The following RBFOX1 variants were observed in gnomAD, a reference collection of about 807,000 sequenced individuals.
RBFOX1 encodes RNA binding fox-1 homolog 1.
RBFOX1 carries 8 observed loss-of-function variants against 57.7 expected under a neutral mutation model. That is an observed-to-expected ratio of 0.14 (90% CI 0.08 to 0.25). RBFOX1 has a LOEUF of 0.25. Among genes scored for constraint, RBFOX1 ranks in the 10% least tolerant of loss-of-function variants. The pLI, the probability that RBFOX1 is intolerant of heterozygous loss-of-function variation, is 1.00. For synonymous variants in RBFOX1, 326 were observed against 222.4 expected, an observed-to-expected ratio of 1.47 and a Z score of -4.15; for missense variants, 611 against 548.5, an observed-to-expected ratio of 1.11 and a Z score of -1.14.
intron 1 of RBFOX1, among the ~76,000 whole-genome samples, chr16:6,096,754 A>G (rs533935855): frequency 2.0e-5 from 3 of 152,324 alleles, no homozygotes; most frequent in South Asian, 4.1e-4. Flanking sequence ...GAGCTATAAA[A>G]ATACTAAAAT....
intron 3 of RBFOX1, among the ~76,000 whole-genome samples, chr16:6,992,594 T>C (rs2091668438): frequency 6.6e-6 from 1 of 152,070 alleles, no homozygotes; most frequent in Admixed American, 6.5e-5. Context: ...CTCTGTGGTG[T>C]AAAATGCACA....
chr16:6,972,700 T>C (rs970294300), intron 3 of RBFOX1, among the ~76,000 whole-genome samples: 1 of 152,026 alleles, frequency 6.6e-6, no homozygotes, highest in African/African-American at 2.4e-5. Context: ...TTGATAGAGA[T>C]GGAGGCAGAG....
At chr16:7,173,009 G>C (rs746293234) in intron 4 of RBFOX1, among the ~76,000 whole-genome samples, 4 of 152,096 alleles carry the variant, frequency 2.6e-5, no homozygotes, top group Admixed American at 1.3e-4. Flanking sequence ...AAACTACCAC[G>C]TGTGTATTTT....
At chr16:6,947,825 G>T (rs1021487650) in intron 3 of RBFOX1, among the ~76,000 whole-genome samples, 1 of 152,146 alleles carries the variant, frequency 6.6e-6, no homozygotes, top group African/African-American at 2.4e-5. Flanking sequence ...CGCTCAAGCT[G>T]CAGTGCAGTC....
Position 6,359,736 on chromosome 16 carries a change from A to G in RBFOX1, c.-64+42679A>G, listed in dbSNP as rs182154712. The stretch of plus-strand genomic sequence containing the variant: ...TCTTCCACGAAGGGATCAGGCGTGT[A>G]TATAAGCCAGCCTTATACTTATACT... On this transcript the variant is annotated intron_variant, in intron 2 of 15. Transcript: ENST00000550418. Among the ~76,000 whole-genome samples the G allele has an allele frequency of 5.1e-3, 773 of 152,314 alleles. 6 individuals are homozygous for G. Among genetic ancestry groups the G allele is most frequent in the Middle Eastern group, 0.034 (10 of 294 alleles).
chr16:7,334,163 C>T (rs557230003), intron 4 of RBFOX1, among the ~76,000 whole-genome samples: 5 of 152,214 alleles, frequency 3.3e-5, no homozygotes, highest in East Asian at 1.9e-4. Context: ...GTTAAGTGTA[C>T]GAACCTGGGT....
At chr16:5,328,748 C>A (rs538146712) in intron 1 of RBFOX1, among the ~76,000 whole-genome samples, 1 of 152,172 alleles carries the variant, frequency 6.6e-6, no homozygotes, top group African/African-American at 2.4e-5. Flanking sequence ...GCTGATTGGC[C>A]CAAAAGTGGC....
intron 4 of RBFOX1, among the ~76,000 whole-genome samples, chr16:7,076,300 G>A (rs1567169863): frequency 6.6e-6 from 1 of 151,902 alleles, no homozygotes; most frequent in Non-Finnish European, 1.5e-5. Flanking sequence ...TCAAAGTGCT[G>A]GGATTTCAGG....
chr16:7,050,664 A>G (rs1309791383), intron 3 of RBFOX1, among the ~76,000 whole-genome samples: 1 of 152,128 alleles, frequency 6.6e-6, no homozygotes, highest in East Asian at 1.9e-4. Flanking sequence ...TTAACAACTA[A>G]ATGGTGTCTT....
chr16:5,607,514 A>T (rs1351845404), intron 3 of RBFOX1, among the ~76,000 whole-genome samples: 2 of 152,146 alleles, frequency 1.3e-5, no homozygotes, highest in East Asian at 3.9e-4. Flanking sequence ...CACGGTGATG[A>T]TACTGACGGG....
At chr16:6,232,822 A>C (rs540846104) in intron 1 of RBFOX1, among the ~76,000 whole-genome samples, 1 of 152,236 alleles carries the variant, frequency 6.6e-6, no homozygotes, top group Non-Finnish European at 1.5e-5. Flanking sequence ...TTGCTGGTGA[A>C]GCTGGGTCCC....
intron 3 of RBFOX1, among the ~76,000 whole-genome samples, chr16:6,841,114 C>T (rs2093437463): frequency 6.6e-6 from 1 of 151,742 alleles, no homozygotes; most frequent in Non-Finnish European, 1.5e-5. Context: ...TTTTCTTGTG[C>T]ATTTGCTTAA....
intron 5 of RBFOX1, among the ~76,000 whole-genome samples, chr16:7,578,899 G>T (rs1400628267): frequency 2.0e-5 from 3 of 152,186 alleles, no homozygotes; most frequent in Non-Finnish European, 2.9e-5. Context: ...AAATATGTGG[G>T]TGTCAATGTA....
intron 4 of RBFOX1, among the ~76,000 whole-genome samples, chr16:7,288,589 C>G (rs2095696753): frequency 6.6e-6 from 1 of 152,198 alleles, no homozygotes; most frequent in Non-Finnish European, 1.5e-5. Context: ...ACCTATAACC[C>G]CAGTACTTTG....
Position 5,938,653 on chromosome 16 carries a change from T to C in RBFOX1, c.351+71318T>C, listed in dbSNP as rs903294336. Among the ~76,000 whole-genome samples the C allele has an allele frequency of 3.7e-4, 56 of 152,168 alleles. 1 individual carries two copies. Among genetic ancestry groups the C allele is most frequent in the Admixed American group, 3.2e-3 (49 of 15,278 alleles). The stretch of plus-strand genomic sequence containing the variant: ...TGCAACAGACCTGACTTTGCAATTT[T>C]ACACCTGGGGTCATTTTTTCTTTGT... On this transcript the variant is annotated intron_variant, in intron 4 of 19. Transcript: ENST00000641259.
chr16:6,105,231 T>C (rs1240592563), intron 1 of RBFOX1, among the ~76,000 whole-genome samples: 1 of 152,210 alleles, frequency 6.6e-6, no homozygotes, highest in African/African-American at 2.4e-5. Context: ...ATGTACAGTG[T>C]CTACTGGCAC....
In RBFOX1 at chr16:6,772,800, G is replaced by C. The variant is rs373240491; in HGVS notation, c.-16+118150G>C. Among the ~76,000 whole-genome samples, 63 of 149,882 alleles carry C rather than the reference G, an allele frequency of 4.2e-4. 1 individual carries two copies. Among genetic ancestry groups the C allele is most frequent in the African/African-American group, 1.5e-3 (61 of 40,770 alleles). ...ATGTGGGGTGCATTTGTGTGCGTAT[G>C]TGTGGGCCTGGGGTGCATTTGTGTG... On this transcript the variant is annotated intron_variant, in intron 3 of 15. Transcript: ENST00000550418.
intron 4 of RBFOX1, among the ~76,000 whole-genome samples, chr16:7,085,498 G>C (rs1370719379): frequency 1.3e-5 from 2 of 152,138 alleles, no homozygotes; most frequent in Non-Finnish European, 1.5e-5. Context: ...GGATTTGACC[G>C]ATTCACCACC....
chr16:6,974,749 A>G (rs914590094), intron 3 of RBFOX1, among the ~76,000 whole-genome samples: 1 of 152,056 alleles, frequency 6.6e-6, no homozygotes, highest in African/African-American at 2.4e-5. Context: ...ACTGAAACTC[A>G]CCAGAGGCAG....
Sources: gnomAD v4.1 joint callset for allele counts (sites outside exome capture counted in the v4.1 genomes callset) on GRCh38, gnomAD v4.1.1 for gene constraint, MANE v1.5 for transcripts, NCBI Gene and HGNC (gene_info 2026-07-23, HGNC 2026-07-21) for gene names.